The following PARP4 variants were observed in gnomAD, a reference collection of about 807,000 sequenced individuals.
PARP4 encodes the protein protein mono-ADP-ribosyltransferase PARP4.
In PARP4, 120 loss-of-function variants were observed where a neutral mutation model predicts 187.7. That is an observed-to-expected ratio of 0.64 (90% CI 0.55 to 0.74). The LOEUF (loss-of-function observed/expected upper bound fraction) is 0.74, where lower values mean the gene tolerates loss of function less well. Ranked by LOEUF, PARP4 falls within the 30% of genes least tolerant of loss-of-function variation. The pLI is 0.00. For missense variants in PARP4, 1,836 were observed against 2,070.5 expected (o/e 0.89, Z 2.20); for synonymous variants, 654 against 740.9 (o/e 0.88, Z 1.90).
At chr13:24,478,445 CTTTT>C (rs531220379) in intron 12 of PARP4, among the ~76,000 whole-genome samples, 169 bp from the exon 13 acceptor site, 1 of 151,136 alleles carries the variant, frequency 6.6e-6, no homozygotes, top group Non-Finnish European at 1.5e-5. Flanking sequence ...AATATTTCTT[CTTTT>C]TTTTTAGACA....
chr13:24,477,331 G>A (rs1456471838), intron 14 of PARP4, among the ~76,000 whole-genome samples: 1 of 152,020 alleles, frequency 6.6e-6, no homozygotes, highest in East Asian at 1.9e-4. Context: ...AAAAGTCACG[G>A]ATGGTAGTCC....
At chr13:24,483,492 CAA>C (rs745935813) in intron 12 of PARP4, among the ~76,000 whole-genome samples, 2 of 107,998 alleles carry the variant, frequency 1.9e-5, no homozygotes. Flanking sequence ...GACTCCGTCT[CAA>C]AAAAAAAAAA....
chr13:24,503,076 T>TAA (rs1244972946), intron 2 of PARP4, among the ~76,000 whole-genome samples: 1 of 152,216 alleles, frequency 6.6e-6, no homozygotes, highest in Non-Finnish European at 1.5e-5. Context: ...TAAACTGAAT[T>TAA]ATTTCTAAGA....
At position 24,452,460 on chromosome 13, in the gene PARP4, AAT is replaced by A. The variant is rs1565997328; in HGVS notation, c.2958_2959del (p.Leu987ThrfsTer38). On this transcript the variant is annotated frameshift_variant, in exon 24 of 34. Coordinates refer to ENST00000381989, the MANE Select transcript of PARP4 (RefSeq NM_006437.4). LOFTEE classifies it high-confidence loss of function. ...CGGGCGGCTCCTCTTCACGAGCTGT[AAT>A]GTCAGGCTCTCATCCTGGAGGTGCC... 6.2e-7 allele frequency: 1 copy of A among 1,614,068 alleles called. No homozygotes were observed. The highest frequency in any genetic ancestry group is 1.1e-5 in the South Asian group (1 of 91,066).
In PARP4 at chr13:24,434,505, C is replaced by A; in HGVS notation, c.4636G>T (p.Asp1546Tyr). 6.2e-7 allele frequency: 1 copy of A among 1,613,928 alleles called. No individual in the cohort carries two copies. Among genetic ancestry groups the A allele is most frequent in the Non-Finnish European group, 8.5e-7 (1 of 1,179,794 alleles). ...CFLQIKCDTK[D>Y]DSILCFLEVK... ...TCCAGAAAGCACAGGATACTGTCAT[C>A]TTTTGTATCACATTTTATTTGTAAA... The change falls in exon 31 of 34, where the codon GAT (aspartate) becomes TAT (tyrosine). Residue 1546 changes from aspartate to tyrosine, a missense_variant. By Grantham distance (160) the Asp-to-Tyr change is radical (BLOSUM62 -3). This residue lies in a region of PARP4 where 450 missense variants were observed against 439.2 expected (regional missense o/e 1.02). Transcript: ENST00000381989.
At position 24,475,511 on chromosome 13, in the gene PARP4, A is replaced by T; in HGVS notation, c.1875T>A (p.Asp625Glu). Residue 625 changes from aspartate to glutamate, a missense_variant, in exon 15 of 34, where the codon GAT becomes GAA. Transcript: ENST00000381989. Reference protein sequence around the residue: ...DASGNLVPLEDVHIKGRIIDT... With the variant: ...DASGNLVPLEEVHIKGRIIDT... ...CTATGATTCTCCCTTTGATGTGGAC[A>T]TCCTCCAGAGGAACCAAGTTCCCAG... The T allele has an allele frequency of 6.2e-7, 1 of 1,614,096 alleles. No homozygotes were observed. The highest frequency in any genetic ancestry group is 8.5e-7 in the Non-Finnish European group (1 of 1,179,922).
intron 33 of PARP4, among the ~76,000 whole-genome samples, chr13:24,426,151 T>C (rs4770669): frequency 0.43 from 65,148 of 152,054 alleles, 14,691 homozygotes; most frequent in African/African-American, 0.57. Flanking sequence ...AACAGTCACA[T>C]TGTGGGTCTT....
intron 1 of PARP4, among the ~76,000 whole-genome samples, chr13:24,506,773 C>G (rs572640543): frequency 3.3e-5 from 5 of 152,370 alleles, no homozygotes; most frequent in Admixed American, 3.3e-4. Context: ...GGATCCCATG[C>G]CAGGGCCGCA....
chr13:24,462,744 A>C (rs1872270792), intron 17 of PARP4, among the ~76,000 whole-genome samples: 1 of 152,232 alleles, frequency 6.6e-6, no homozygotes, highest in Non-Finnish European at 1.5e-5. Flanking sequence ...AGAAACAAAC[A>C]CATTATCAAA....
chr13:24,426,453 T>C lies in PARP4; in HGVS notation c.4979+13A>G. ...AATATAAATAAGTTGCATAATACTATAGTTAAAGCCACCTGGAAATAGAAG... is the reference window on the plus strand; with the variant it reads ...AATATAAATAAGTTGCATAATACTACAGTTAAAGCCACCTGGAAATAGAAG... On this transcript the variant is annotated intron_variant, in intron 33 of 33. Coordinates refer to ENST00000381989, the MANE Select transcript of PARP4 (RefSeq NM_006437.4). The C allele has an allele frequency of 6.3e-7, 1 of 1,595,806 alleles. No homozygotes were observed. The highest frequency in any genetic ancestry group is 8.6e-7 in the Non-Finnish European group (1 of 1,167,942).
intron 30 of PARP4, among the ~76,000 whole-genome samples, chr13:24,440,419 T>TAAAAAAA (rs71070698): frequency 1.3e-4 from 17 of 126,172 alleles, no homozygotes; most frequent in East Asian, 2.3e-4. Context: ...AAATTAAAAT[T>TAAAAAAA]AAAAAAAAAA....
At position 24,456,584 on chromosome 13, in the gene PARP4, CTA is replaced by C. The variant is rs71698077; in HGVS notation, c.2425-108_2425-107del. The stretch of plus-strand genomic sequence containing the variant: ...AAACCCTTGCATAGCTTACATAACT[CTA>C]TTAAGAATCAACAAAGTAGTGGTAA... On this transcript the variant is annotated intron_variant, in intron 20 of 33. Transcript: ENST00000381989. The C allele has an allele frequency of 4.0e-3, 3,996 of 1,001,956 alleles. 118 individuals are homozygous for C. The African/African-American group carries it at 0.056, about 14-fold the overall frequency. 62.1% of individuals were successfully genotyped at this position (1,001,956 alleles called of 1,614,324 possible).
intron 33 of PARP4, among the ~76,000 whole-genome samples, chr13:24,425,292 C>G (rs1179040381): frequency 2.0e-5 from 3 of 152,076 alleles, no homozygotes; most frequent in African/African-American, 7.2e-5. Flanking sequence ...TAGAGCCAGA[C>G]TTTGTCTCAA....
intron 18 of PARP4, 93 bp from the exon 19 acceptor site, chr13:24,459,403 T>G: frequency 8.5e-7 from 1 of 1,176,128 alleles, no homozygotes. Context: ...GCCACAACTG[T>G]CAGCAAGACA....
At chr13:24,465,550 T>C (rs1299165252) in intron 17 of PARP4, among the ~76,000 whole-genome samples, 1 of 152,086 alleles carries the variant, frequency 6.6e-6, no homozygotes, top group Non-Finnish European at 1.5e-5. Flanking sequence ...TGTTCTTACT[T>C]ACACGTGGGA....
chr13:24,489,952 T>A (rs2137528929), intron 10 of PARP4, among the ~76,000 whole-genome samples: 1 of 152,332 alleles, frequency 6.6e-6, no homozygotes. Flanking sequence ...TCTCATAAGC[T>A]GGTGTGTGCG....
At chr13:24,451,356 AG>A (rs1456371338) in intron 24 of PARP4, among the ~76,000 whole-genome samples, 1 of 152,238 alleles carries the variant, frequency 6.6e-6, no homozygotes, top group Non-Finnish European at 1.5e-5. Flanking sequence ...ATGCTGGGCT[AG>A]GCCTTAGATT....
chr13:24,511,649 G>A (rs1870025277), intron 1 of PARP4, among the ~76,000 whole-genome samples: 1 of 152,220 alleles, frequency 6.6e-6, no homozygotes, highest in Non-Finnish European at 1.5e-5. Context: ...GGAAAACCCT[G>A]AGGAGTCCCT....
At chr13:24,428,944 G>A (rs4770671) in intron 32 of PARP4, among the ~76,000 whole-genome samples, 142,605 of 152,176 alleles carry the variant, frequency 0.94, 66,954 homozygotes, top group East Asian at 0.99. Flanking sequence ...CTGAAACCCT[G>A]GTTACACAAA....
Sources: allele counts gnomAD v4.1 joint callset (sites outside exome capture counted in the v4.1 genomes callset), GRCh38; gene constraint gnomAD v4.1.1; regional missense constraint gnomAD v4.1.1; transcripts MANE v1.5; gene names NCBI Gene and HGNC (gene_info 2026-07-23, HGNC 2026-07-21).